The following ROBO2 variants were observed in gnomAD, a reference collection of about 807,000 sequenced individuals.
The protein encoded by ROBO2 is roundabout homolog 2.
ROBO2 carries 53 observed loss-of-function variants against 160.8 expected under a neutral mutation model. That is an observed-to-expected ratio of 0.33 (90% CI 0.26 to 0.41). The LOEUF is 0.41. Among genes scored for constraint, ROBO2 ranks in the 10% least tolerant of loss-of-function variants. The pLI, the probability that ROBO2 is intolerant of heterozygous loss-of-function variation, is 1.00. For missense variants in ROBO2, 1,577 were observed against 1,722.4 expected (o/e 0.92, Z 1.49); for synonymous variants, 664 against 611.7 (o/e 1.09, Z -1.26).
intron 2 of ROBO2, among the ~76,000 whole-genome samples, chr3:76,024,099 A>G (rs2066658168): frequency 6.6e-6 from 1 of 151,476 alleles, no homozygotes; most frequent in South Asian, 2.1e-4. Context: ...CTTTAATTAA[A>G]CAATGGTTGC....
intron 1 of ROBO2, among the ~76,000 whole-genome samples, chr3:77,095,695 C>A (rs1386185337): frequency 6.6e-6 from 1 of 152,140 alleles, no homozygotes; most frequent in Non-Finnish European, 1.5e-5. Flanking sequence ...GTGTCCAGAC[C>A]TTTACATTGA....
rs557292305 is a variant in ROBO2, at chr3:76,962,294, A to G, written c.110-135720A>G. Among the ~76,000 whole-genome samples the G allele has an allele frequency of 2.0e-5, 3 of 151,820 alleles. No homozygotes were observed. In the East Asian group the frequency reaches 5.9e-4, roughly 30 times the overall value. On this transcript the variant is annotated intron_variant, in intron 2 of 26. Coordinates refer to the ROBO2 transcript ENST00000487694. ...AGGTTGCAGTGAGCTGAGATCATAC[A>G]TTGCACTCCAGCCTTGGCAACAGAG...
At chr3:77,508,867 G>A (rs567656817) in intron 5 of ROBO2, among the ~76,000 whole-genome samples, 8 of 151,938 alleles carry the variant, frequency 5.3e-5, no homozygotes, top group South Asian at 2.1e-4. Context: ...ATCAAACTTC[G>A]GTTTCTTCAT....
At chr3:76,807,968 G>T (rs1253474142) in intron 2 of ROBO2, among the ~76,000 whole-genome samples, 1 of 152,040 alleles carries the variant, frequency 6.6e-6, no homozygotes, top group East Asian at 1.9e-4. Context: ...CAAAAAATAT[G>T]TAGGCAGTTA....
intron 2 of ROBO2, among the ~76,000 whole-genome samples, chr3:76,902,934 GT>G (rs1295890464): frequency 2.0e-5 from 3 of 151,730 alleles, no homozygotes; most frequent in Non-Finnish European, 4.4e-5. Flanking sequence ...TAATTGATAT[GT>G]TTTTAGTGTA....
intron 2 of ROBO2, among the ~76,000 whole-genome samples, chr3:76,885,475 A>G (rs2148777877): frequency 6.6e-6 from 1 of 152,310 alleles, no homozygotes; most frequent in East Asian, 1.9e-4. Flanking sequence ...AAGCTGTTAT[A>G]CGTTTTATCA....
intron 2 of ROBO2, among the ~76,000 whole-genome samples, chr3:76,500,295 T>G (rs908001755): frequency 6.6e-6 from 1 of 152,126 alleles, no homozygotes; most frequent in Non-Finnish European, 1.5e-5. Context: ...ATTTGTGTAC[T>G]TTTTGTAGAG....
At chr3:77,002,304 C>T (rs985742109) in intron 2 of ROBO2, among the ~76,000 whole-genome samples, 4 of 151,648 alleles carry the variant, frequency 2.6e-5, no homozygotes, top group Admixed American at 2.0e-4. Flanking sequence ...TAAAATGTTT[C>T]TTTCTCTAAA....
At chr3:77,588,962 C>T in intron 17 of ROBO2, 29 bp downstream of exon 18, 1 of 1,608,314 alleles carries the variant, frequency 6.2e-7, no homozygotes, top group Non-Finnish European at 8.5e-7. Flanking sequence ...CTAAGAAAAT[C>T]TCTTGTCTGT....
intron 14 of ROBO2, among the ~76,000 whole-genome samples, chr3:77,575,420 G>T (rs1345522914): frequency 3.9e-5 from 6 of 151,958 alleles, no homozygotes; most frequent in Admixed American, 6.6e-5. Context: ...TATTAATTTT[G>T]TGCTCACAAC....
chr3:76,144,139 A>G (rs549180789), intron 2 of ROBO2, among the ~76,000 whole-genome samples: 2 of 152,138 alleles, frequency 1.3e-5, no homozygotes, highest in East Asian at 3.9e-4. Context: ...CTAATTTGAC[A>G]CATAAAATTA....
At chr3:76,819,328 ATCTGTTG>A (rs1270714491) in intron 2 of ROBO2, among the ~76,000 whole-genome samples, 1 of 152,000 alleles carries the variant, frequency 6.6e-6, no homozygotes, top group African/African-American at 2.4e-5. Context: ...CCATGAACAA[ATCTGTTG>A]TCTCCTTAGA....
At chr3:76,236,691 C>T (rs1704966833) in intron 2 of ROBO2, among the ~76,000 whole-genome samples, 1 of 151,734 alleles carries the variant, frequency 6.6e-6, no homozygotes, top group Admixed American at 6.6e-5. Flanking sequence ...AATTTATTTC[C>T]TTGTCAAAAT....
At chr3:77,363,578 C>G (rs781601933) in intron 2 of ROBO2, among the ~76,000 whole-genome samples, 1 of 151,808 alleles carries the variant, frequency 6.6e-6, no homozygotes, top group Non-Finnish European at 1.5e-5. Flanking sequence ...CTAAGTTTAG[C>G]GTAGAATGGA....
chr3:77,141,604 C>G (rs2076710709), intron 2 of ROBO2, among the ~76,000 whole-genome samples: 1 of 152,158 alleles, frequency 6.6e-6, no homozygotes, highest in Non-Finnish European at 1.5e-5. Flanking sequence ...ATGACCCATT[C>G]TTGATAAGCA....
intron 2 of ROBO2, among the ~76,000 whole-genome samples, chr3:76,118,295 C>T (rs542526144): frequency 4.6e-5 from 7 of 152,304 alleles, no homozygotes; most frequent in South Asian, 2.1e-4. Flanking sequence ...AAATGAAATA[C>T]TACTTGGAGC....
chr3:76,488,576 C>A (rs1436842916), intron 2 of ROBO2, among the ~76,000 whole-genome samples: 1 of 152,116 alleles, frequency 6.6e-6, no homozygotes, highest in Non-Finnish European at 1.5e-5. Flanking sequence ...ACTTCTAGAC[C>A]CAGATTTAAA....
intron 2 of ROBO2, among the ~76,000 whole-genome samples, chr3:77,450,335 T>C (rs2080993462): frequency 6.6e-6 from 1 of 152,114 alleles, no homozygotes; most frequent in Non-Finnish European, 1.5e-5. Flanking sequence ...AAAGAATGCA[T>C]ATTTTAGAGA....
At chr3:77,403,618 ATTTT>A (rs61619623) in intron 2 of ROBO2, among the ~76,000 whole-genome samples, 8 of 134,692 alleles carry the variant, frequency 5.9e-5, no homozygotes, top group African/African-American at 1.9e-4. Flanking sequence ...GTGTGTGTGT[ATTTT>A]TTTTTTTATC....
Sources: allele counts gnomAD v4.1 joint callset (sites outside exome capture counted in the v4.1 genomes callset), GRCh38; gene constraint gnomAD v4.1.1; transcripts MANE v1.5; gene names NCBI Gene and HGNC (gene_info 2026-07-23, HGNC 2026-07-21).